Variants in LRRC4C observed in about 807,000 individuals in gnomAD.
LRRC4C encodes leucine-rich repeat-containing protein 4C.
LRRC4C carries 5 observed loss-of-function variants against 33.6 expected under a neutral mutation model. That is an observed-to-expected ratio of 0.15 (90% CI 0.08 to 0.31). LRRC4C has a LOEUF of 0.31. Ranked by LOEUF, LRRC4C falls within the 10% of genes least tolerant of loss-of-function variation. The pLI, the probability that LRRC4C is intolerant of heterozygous loss-of-function variation, is 1.00. For missense variants in LRRC4C, 560 were observed against 796.7 expected, an observed-to-expected ratio of 0.70 and a Z score of 3.58; for synonymous variants, 329 against 302.0, an observed-to-expected ratio of 1.09 and a Z score of -0.93.
chr11:40,261,445 A>G (rs1442375373), intron 4 of LRRC4C, among the ~76,000 whole-genome samples: 1 of 152,164 alleles, frequency 6.6e-6, no homozygotes, highest in Non-Finnish European at 1.5e-5. Flanking sequence ...GTGAAGGAGA[A>G]GGAAGAAAAG....
chr11:40,942,590 C>T (rs944623432), intron 1 of LRRC4C, among the ~76,000 whole-genome samples: 4 of 152,030 alleles, frequency 2.6e-5, no homozygotes, highest in Non-Finnish European at 4.4e-5. Context: ...TGTTGGTGTG[C>T]AGCACACCAG....
intron 1 of LRRC4C, among the ~76,000 whole-genome samples, chr11:41,421,720 G>A (rs1392879940): frequency 1.3e-5 from 2 of 151,932 alleles, no homozygotes; most frequent in Non-Finnish European, 2.9e-5. Flanking sequence ...TCAAACATCA[G>A]CAATAATCCA....
chr11:40,769,860 T>C (rs1287477936), intron 2 of LRRC4C, among the ~76,000 whole-genome samples: 1 of 152,152 alleles, frequency 6.6e-6, no homozygotes, highest in Non-Finnish European at 1.5e-5. Context: ...ATCTAAGATC[T>C]CAAACTATGA....
At chr11:41,328,929 C>T (rs1225593170) in intron 1 of LRRC4C, among the ~76,000 whole-genome samples, 5 of 152,094 alleles carry the variant, frequency 3.3e-5, no homozygotes, top group Non-Finnish European at 7.4e-5. Context: ...GTGACTTATC[C>T]AATGAAAATT....
At chr11:40,523,291 G>A (rs1255701694) in intron 3 of LRRC4C, among the ~76,000 whole-genome samples, 1 of 151,790 alleles carries the variant, frequency 6.6e-6, no homozygotes, top group Non-Finnish European at 1.5e-5. Context: ...GTGGTGTTGA[G>A]CATTTTTTTG....
intron 1 of LRRC4C, among the ~76,000 whole-genome samples, chr11:41,015,989 G>T (rs561430376): frequency 6.6e-6 from 1 of 152,154 alleles, no homozygotes; most frequent in African/African-American, 2.4e-5. Context: ...GCGAGACTCC[G>T]ACTCCGTCTC....
At chr11:41,451,139 G>C (rs1956007263) in intron 1 of LRRC4C, among the ~76,000 whole-genome samples, 1 of 152,066 alleles carries the variant, frequency 6.6e-6, no homozygotes, top group East Asian at 1.9e-4. Context: ...GAGTCTAGTA[G>C]GTGTTTAATA....
At position 40,948,560 on chromosome 11, in the gene LRRC4C, T is replaced by C. The variant is rs2136683430; in HGVS notation, c.-495-14837A>G. 2.2e-5 allele frequency among the ~76,000 whole-genome samples: 3 copies of C among 136,358 alleles called. No homozygotes were observed. In the East Asian group the frequency reaches 7.0e-4, roughly 32 times the overall value. The allele number at this position is 136,358 out of a possible 152,430, so 89.5% of individuals were successfully genotyped here. ...AGTCCCCAGAGTGTGATGTTCCCCT[T>C]CCTGTGTCCATGTGTTCTCATTGTT... On this transcript the variant is annotated intron_variant, in intron 1 of 6. Transcript: ENST00000528697.
chr11:40,528,917 T>C (rs1261348227), intron 3 of LRRC4C, among the ~76,000 whole-genome samples: 2 of 152,190 alleles, frequency 1.3e-5, no homozygotes, highest in East Asian at 1.9e-4. Context: ...ATTCCACTTA[T>C]ATGAGGTTTC....
intron 3 of LRRC4C, among the ~76,000 whole-genome samples, chr11:40,378,875 A>G (rs1371396448): frequency 6.6e-6 from 1 of 152,184 alleles, no homozygotes; most frequent in Non-Finnish European, 1.5e-5. Flanking sequence ...TCATACATAT[A>G]TGGAGTTAGA....
intron 2 of LRRC4C, among the ~76,000 whole-genome samples, chr11:40,655,673 G>T (rs1943064871): frequency 6.6e-6 from 1 of 152,136 alleles, no homozygotes; most frequent in African/African-American, 2.4e-5. Context: ...TGGCACAACA[G>T]GAGGAAAAGA....
At chr11:40,582,911 A>G (rs927929327) in intron 3 of LRRC4C, among the ~76,000 whole-genome samples, 1 of 152,176 alleles carries the variant, frequency 6.6e-6, no homozygotes, top group African/African-American at 2.4e-5. Flanking sequence ...CAATGATTCA[A>G]TCAGGGTATT....
At chr11:40,708,955 C>G (rs1177842164) in intron 2 of LRRC4C, among the ~76,000 whole-genome samples, 1 of 152,108 alleles carries the variant, frequency 6.6e-6, no homozygotes, top group Admixed American at 6.5e-5. Context: ...GATCCCTTTA[C>G]CATTATATAA....
intron 3 of LRRC4C, among the ~76,000 whole-genome samples, chr11:40,573,783 T>C (rs773195821): frequency 1.3e-5 from 2 of 152,174 alleles, no homozygotes; most frequent in Admixed American, 6.6e-5. Flanking sequence ...ACATTAGTTA[T>C]GTGACTTGGA....
At chr11:40,660,557 T>C (rs554524980) in intron 2 of LRRC4C, among the ~76,000 whole-genome samples, 15 of 152,234 alleles carry the variant, frequency 9.9e-5, no homozygotes, top group Non-Finnish European at 2.1e-4. Flanking sequence ...CCAAATCCTA[T>C]ATCTCGTTGA....
intron 3 of LRRC4C, among the ~76,000 whole-genome samples, chr11:40,574,401 G>T (rs866408195): frequency 6.6e-6 from 1 of 152,128 alleles, no homozygotes. Context: ...GTATTTGATT[G>T]TTGTGTTGCA....
At chr11:40,319,519 T>G (rs1945737743) in intron 4 of LRRC4C, 109 bp downstream of exon 4, 1 of 152,316 alleles carries the variant, frequency 6.6e-6, no homozygotes, top group Non-Finnish European at 1.5e-5. Context: ...CAATGCCTGG[T>G]TTTCTATTTG....
At chr11:41,440,022 G>A (rs76474753) in intron 1 of LRRC4C, among the ~76,000 whole-genome samples, 3,030 of 152,138 alleles carry the variant, frequency 0.02, 102 homozygotes, top group African/African-American at 0.07. Flanking sequence ...TTATTTTTGT[G>A]GCCTTTGTTT....
At chr11:41,445,320 G>T (rs183237879) in intron 1 of LRRC4C, among the ~76,000 whole-genome samples, 1 of 152,052 alleles carries the variant, frequency 6.6e-6, no homozygotes, top group Non-Finnish European at 1.5e-5. Context: ...TATTTCTCTC[G>T]CATTTTAATT....
Sources: allele counts gnomAD v4.1 joint callset (sites outside exome capture counted in the v4.1 genomes callset), GRCh38; gene constraint gnomAD v4.1.1; transcripts MANE v1.5; gene names NCBI Gene and HGNC (gene_info 2026-07-23, HGNC 2026-07-21).